Variants in FYB2 observed in about 807,000 individuals in gnomAD.
FYB2 encodes FYN-binding protein 2.
Under a neutral mutation model 94.1 loss-of-function variants are expected in FYB2, and 103 were observed. The observed-to-expected ratio is 1.09, with a 90% CI of 0.93 to 1.29. The LOEUF (loss-of-function observed/expected upper bound fraction) is 1.29. FYB2 is among the 50% of genes most tolerant of loss of function. The probability of loss-of-function intolerance (pLI) is 0.00; values close to 1 mark genes in which losing one functional copy is unlikely to be tolerated. For missense variants in FYB2, 896 were observed against 841.5 expected, an observed-to-expected ratio of 1.06 and a Z score of -0.80; for synonymous variants, 293 against 287.9, an observed-to-expected ratio of 1.02 and a Z score of -0.18.
intron 17 of FYB2, chr1:56,720,537 ATTTG>A: frequency 2.6e-6 from 1 of 392,008 alleles, no homozygotes; most frequent in Non-Finnish European, 4.5e-6. Flanking sequence ...GCAATCTCAC[ATTTG>A]TTTGGTATGA....
At chr1:56,821,636 G>A (rs1646993080), upstream of FYB2, among the ~76,000 whole-genome samples, 1 of 152,212 alleles carries the variant, frequency 6.6e-6, no homozygotes, top group Non-Finnish European at 1.5e-5. Flanking sequence ...AGTAATGTCA[G>A]TTCCTCTCTT....
At chr1:56,815,988 C>T (rs1646873995) in intron 1 of FYB2, among the ~76,000 whole-genome samples, 1 of 152,100 alleles carries the variant, frequency 6.6e-6, no homozygotes, top group Non-Finnish European at 1.5e-5. Context: ...CTAAACTATA[C>T]AATAAAACAA....
At chr1:56,772,015 A>G (rs1027281712) in intron 4 of FYB2, among the ~76,000 whole-genome samples, 1 of 152,008 alleles carries the variant, frequency 6.6e-6, no homozygotes, top group Admixed American at 6.6e-5. Context: ...GTAATAGTTC[A>G]TTTTGCTGAA....
At chr1:56,738,717 A>C in intron 13 of FYB2, 64 bp from the exon 14 acceptor site, 1 of 1,518,854 alleles carries the variant, frequency 6.6e-7, no homozygotes, top group Non-Finnish European at 9.1e-7. Context: ...AGATGAGCTG[A>C]CAGATCTCCA....
At chr1:56,726,301 G>T (rs181072866) in intron 16 of FYB2, among the ~76,000 whole-genome samples, 196 bp downstream of exon 16, 196 of 152,086 alleles carry the variant, frequency 1.3e-3, no homozygotes, top group Non-Finnish European at 2.2e-3. Context: ...AGATACATGG[G>T]TATGACACTT....
At position 56,719,500 on chromosome 1, in the gene FYB2, T is replaced by C. The variant is rs1644445097; in HGVS notation, c.*171A>G. The C allele has an allele frequency of 1.7e-6, 1 of 582,950 alleles. No individual in the cohort carries two copies. Among genetic ancestry groups the C allele is most frequent in the East Asian group, 2.9e-5 (1 of 34,276 alleles). The allele number at this position is 582,950 out of a possible 1,614,324, so 36.1% of individuals were successfully genotyped here. On this transcript the variant is annotated 3_prime_UTR_variant, in exon 20 of 20. Coordinates refer to ENST00000343433, the MANE Select transcript of FYB2 (RefSeq NM_001004303.5). ...ACCTTTTAGGAGTAAAACCAACATC[T>C]AAATGTTGAGGATTTGTTTTTATTT...
Position 56,719,382 on chromosome 1 carries a change from C to T in FYB2, c.*289G>A. 3.1e-6 allele frequency: 1 copy of T among 318,732 alleles called. No individual in the cohort carries two copies. Among genetic ancestry groups the T allele is most frequent in the Non-Finnish European group, 5.8e-6 (1 of 173,784 alleles). The allele number at this position is 318,732 out of a possible 1,614,324, so 19.7% of individuals were successfully genotyped here. ...GCATGATTTCTAACTTTGGATATGG[C>T]TCATTAAATAAGTGCTCAAATGCTA... On this transcript the variant is annotated 3_prime_UTR_variant, in exon 20 of 20. Transcript: ENST00000343433.
rs769221608 is a variant in FYB2 at position 56,792,573 on chromosome 1, C to A, written c.240G>T (p.Lys80Asn). The A allele has an allele frequency of 4.3e-6, 7 of 1,614,112 alleles. No individual in the cohort carries two copies. The change falls in exon 2 of 20, where the codon AAG (lysine) becomes AAT (asparagine). Residue 80 changes from lysine (K) to asparagine (N), a missense_variant. Transcript: ENST00000343433. ...ESQPLQPQKI[K>N]LAQKSEIPKC... ...TTGGAATTTCACTCTTCTGAGCCAA[C>A]TTTATTTTCTGAGGTTGAAGAGGCT...
At chr1:56,780,393 G>A (rs536746141) in intron 4 of FYB2, among the ~76,000 whole-genome samples, 3 of 152,308 alleles carry the variant, frequency 2.0e-5, no homozygotes, top group African/African-American at 4.8e-5. Flanking sequence ...ATCCAGGCTC[G>A]ATGTGTAGAG....
At chr1:56,791,994 TC>T in intron 2 of FYB2, 61 bp downstream of exon 2, 1 of 1,511,724 alleles carries the variant, frequency 6.6e-7, no homozygotes, top group Non-Finnish European at 8.8e-7. Context: ...CAACAGGTTT[TC>T]AAGTAGAAAA....
chr1:56,787,186 C>T lies in FYB2; in HGVS notation c.942G>A (p.Leu314=). The change falls in exon 4 of 20, where the codon CTG becomes CTA. Residue 314 remains leucine, a synonymous_variant. Coordinates refer to ENST00000343433, the MANE Select transcript of FYB2 (RefSeq NM_001004303.5). ...GAGCATGTACTTACCTCTCTGGAGA[C>T]AGGGAGCCCTCTTCCACAGTCACTG... ...QGEVTVEEGS[L]SPERLFNAEF... is the part of the protein sequence containing the mutation. 1 of 1,613,946 alleles carries T rather than the reference C, an allele frequency of 6.2e-7. No homozygotes were observed. Among genetic ancestry groups the T allele is most frequent in the Non-Finnish European group, 8.5e-7 (1 of 1,179,876 alleles).
chr1:56,799,234 C>T (rs953404105), intron 1 of FYB2, among the ~76,000 whole-genome samples: 2 of 152,106 alleles, frequency 1.3e-5, no homozygotes, highest in South Asian at 4.1e-4. Flanking sequence ...TCCAGGACTG[C>T]TTTTATTTAT....
chr1:56,777,239 C>A (rs1027431629), intron 4 of FYB2, among the ~76,000 whole-genome samples: 13 of 4,798 alleles, frequency 2.7e-3, no homozygotes, highest in Non-Finnish European at 2.1e-3. Context: ...GTCTCAAAAA[C>A]AAAAAAAAAA....
At chr1:56,737,066 C>T in intron 15 of FYB2, 21 bp downstream of exon 15, 1 of 1,554,560 alleles carries the variant, frequency 6.4e-7, no homozygotes, top group Non-Finnish European at 8.9e-7. Context: ...GCAGGGATGA[C>T]CAATAAGGTA....
chr1:56,755,966 A>G (rs764136109), intron 6 of FYB2, 39 bp from the exon 7 acceptor site: 7 of 1,580,682 alleles, frequency 4.4e-6, no homozygotes, highest in Non-Finnish European at 5.2e-6. Flanking sequence ...TCATAAATCA[A>G]CCTGAATCAG....
intron 3 of FYB2, 147 bp downstream of exon 3, chr1:56,788,826 A>T (rs1241569250): frequency 8.6e-7 from 1 of 1,162,596 alleles, no homozygotes; most frequent in Admixed American, 1.9e-5. Flanking sequence ...TTTCATGGGC[A>T]AGCTGCCACA....
intron 17 of FYB2, 126 bp downstream of exon 17, chr1:56,723,462 T>G: frequency 1.9e-6 from 1 of 531,478 alleles, no homozygotes; most frequent in Non-Finnish European, 3.3e-6. Context: ...AATGCTGGCT[T>G]TTTGTGTCAA....
intron 1 of FYB2, among the ~76,000 whole-genome samples, chr1:56,811,926 A>T (rs1389216815): frequency 7.9e-6 from 1 of 126,164 alleles, no homozygotes; most frequent in Non-Finnish European, 1.9e-5. Flanking sequence ...ACCTTTCCTA[A>T]CCATTTTTTT....
At chr1:56,739,900 T>C (rs75838713) in intron 13 of FYB2, among the ~76,000 whole-genome samples, 5,188 of 152,182 alleles carry the variant, frequency 0.034, 299 homozygotes, top group African/African-American at 0.12. Context: ...TAACATATTT[T>C]AGAGTTGCAA....
Sources: gnomAD v4.1 joint callset for allele counts (sites outside exome capture counted in the v4.1 genomes callset) on GRCh38, gnomAD v4.1.1 for gene constraint, MANE v1.5 for transcripts, NCBI Gene and HGNC (gene_info 2026-07-23, HGNC 2026-07-21) for gene names.